PDE11A: variants seen among roughly 807,000 people sequenced by gnomAD.
The protein encoded by PDE11A is dual 3',5'-cyclic-AMP and -GMP phosphodiesterase 11A.
A neutral mutation model predicts 100.5 loss-of-function variants in PDE11A; 100 were observed. The observed-to-expected ratio is 1.00, with a 90% CI of 0.85 to 1.18. The LOEUF is 1.18. PDE11A is among the 50% of genes most tolerant of loss of function. The probability of loss-of-function intolerance (pLI) is 0.00; values close to 1 mark genes in which losing one functional copy is unlikely to be tolerated. For missense variants in PDE11A, 1,141 were observed against 1,152.6 expected, an observed-to-expected ratio of 0.99 and a Z score of 0.15; for synonymous variants, 381 against 420.8, an observed-to-expected ratio of 0.91 and a Z score of 1.16.
At chr2:177,719,247 A>G (rs932997630) in intron 12 of PDE11A, among the ~76,000 whole-genome samples, 18 of 152,196 alleles carry the variant, frequency 1.2e-4, no homozygotes, top group Admixed American at 1.1e-3. Context: ...TTGAATGATA[A>G]GGGATTTCCT....
chr2:177,637,534 C>CT (rs2080059129), intron 19 of PDE11A, among the ~76,000 whole-genome samples: 1 of 151,814 alleles, frequency 6.6e-6, no homozygotes, highest in Admixed American at 6.6e-5. Flanking sequence ...TTGTACTTGT[C>CT]TTTTTTCCCC....
At chr2:177,807,945 A>C (rs2082897027) in intron 9 of PDE11A, among the ~76,000 whole-genome samples, 1 of 152,232 alleles carries the variant, frequency 6.6e-6, no homozygotes, top group South Asian at 2.1e-4. Context: ...GATTAAAAGT[A>C]AGAAACAATC....
At chr2:177,733,989 T>C (rs1279168832) in intron 10 of PDE11A, among the ~76,000 whole-genome samples, 1 of 152,246 alleles carries the variant, frequency 6.6e-6, no homozygotes, top group Non-Finnish European at 1.5e-5. Context: ...TGCTAGAGAC[T>C]GGCTCCTAAC....
At chr2:177,819,868 T>TTCTCTCTTTC (rs1553478532) in intron 7 of PDE11A, among the ~76,000 whole-genome samples, 2 of 139,098 alleles carry the variant, frequency 1.4e-5, no homozygotes, top group Non-Finnish European at 3.1e-5. Flanking sequence ...CTTTCTCTCT[T>TTCTCTCTTTC]TCTCTCTCTC....
chr2:177,993,611 TTATC>T lies in PDE11A; in HGVS notation c.1071+20687_1071+20690del, dbSNP rs200605442. Reference sequence around the variant, plus strand: ...GAATATTGCATTTCCTATTGATTGTTTATCTGTATATTTTGGCATATTGAGTGAC... The same window carrying T: ...GAATATTGCATTTCCTATTGATTGTTTGTATATTTTGGCATATTGAGTGAC... On this transcript the variant is annotated intron_variant, in intron 2 of 19. Coordinates refer to ENST00000286063, the MANE Select transcript of PDE11A (RefSeq NM_016953.4). 6.8e-4 allele frequency among the ~76,000 whole-genome samples: 103 copies of T among 152,254 alleles called. 1 individual carries two copies. The East Asian group carries it at 0.014, about 20-fold the overall frequency.
chr2:178,069,303 C>T lies in PDE11A; in HGVS notation c.912+2223G>A, dbSNP rs190658235. Among the ~76,000 whole-genome samples the T allele has an allele frequency of 7.2e-5, 11 of 152,034 alleles. 1 individual carries two copies. Among genetic ancestry groups the T allele is most frequent in the Admixed American group, 2.0e-4 (3 of 15,254 alleles). ...GATTAAGAAATTCTCCAAGGTCACA[C>T]CATTGGTGACTGTAGCGTCCCATAA... On this transcript the variant is annotated intron_variant, in intron 1 of 19. Coordinates refer to ENST00000286063, the MANE Select transcript of PDE11A (RefSeq NM_016953.4).
intron 12 of PDE11A, among the ~76,000 whole-genome samples, chr2:177,713,287 G>A (rs987345657): frequency 1.3e-5 from 2 of 152,172 alleles, no homozygotes; most frequent in African/African-American, 4.8e-5. Flanking sequence ...GGGATTATAG[G>A]TGTGAGCCTC....
In PDE11A at chr2:177,625,548, GA is replaced by G. The variant is rs1008755867; in HGVS notation, c.*3858del. On this transcript the variant is annotated 3_prime_UTR_variant, in exon 20 of 20. Coordinates refer to ENST00000286063, the MANE Select transcript of PDE11A (RefSeq NM_016953.4). ...GTGACTAGTAAGAATAAATATGTCT[GA>G]AAAAAATACATCTCATCGAAAAAGT... 8.5e-5 allele frequency: 13 copies of G among 152,064 alleles called. No individual in the cohort carries two copies. Among genetic ancestry groups the G allele is most frequent in the Non-Finnish European group, 1.5e-5 (1 of 67,988 alleles). The allele number at this position is 152,064 out of a possible 1,614,324, so 9.4% of individuals were successfully genotyped here.
rs538889407 is a variant in PDE11A at position 177,627,995 on chromosome 2, G to A, written c.*1412C>T. ...AGAGTCCCTGTGGACCCCCATGTACGTAATCAAAGAGATGAAGGTTTGTAG... is the reference window on the plus strand; with the variant it reads ...AGAGTCCCTGTGGACCCCCATGTACATAATCAAAGAGATGAAGGTTTGTAG... On this transcript the variant is annotated 3_prime_UTR_variant, in exon 20 of 20. Coordinates refer to ENST00000286063, the MANE Select transcript of PDE11A (RefSeq NM_016953.4). 1.9e-4 allele frequency: 29 copies of A among 152,306 alleles called. No individual in the cohort carries two copies. The highest frequency in any genetic ancestry group is 6.3e-4 in the African/African-American group (26 of 41,566). 9.4% of individuals were successfully genotyped at this position (152,306 alleles called of 1,614,324 possible). A position where few individuals can be genotyped will look rare whatever the true frequency, so the allele number is the denominator to read the frequency against.
intron 5 of PDE11A, among the ~76,000 whole-genome samples, chr2:177,852,031 G>T (rs1480579630): frequency 1.3e-5 from 2 of 152,100 alleles, no homozygotes; most frequent in African/African-American, 2.4e-5. Flanking sequence ...ACTCTTCTCT[G>T]TATCAGCAGC....
At chr2:177,832,554 C>CATCT (rs58916923) in intron 6 of PDE11A, among the ~76,000 whole-genome samples, 22,715 of 146,232 alleles carry the variant, frequency 0.16, 1,786 homozygotes, top group Non-Finnish European at 0.17. Context: ...TACTCACATC[C>CATCT]ATCTATCTAT....
chr2:178,070,875 C>A (rs1359607061), intron 1 of PDE11A, among the ~76,000 whole-genome samples: 1 of 152,194 alleles, frequency 6.6e-6, no homozygotes, highest in Non-Finnish European at 1.5e-5. Flanking sequence ...AGATAACTAG[C>A]CCCTCTATCT....
chr2:177,937,319 C>CTTT (rs33967413), intron 2 of PDE11A, among the ~76,000 whole-genome samples: 90 of 125,714 alleles, frequency 7.2e-4, no homozygotes, highest in Non-Finnish European at 1.1e-3. Context: ...AAATTGAAAG[C>CTTT]TTTTTTTTTT....
chr2:177,792,860 G>A lies in PDE11A; in HGVS notation c.1738-23487C>T, dbSNP rs182203310. The stretch of plus-strand genomic sequence containing the variant: ...AGACTTAATTTGTGCCCAGAACTGC[G>A]CAGTCACTAAACAGGCAAACATACA... On this transcript the variant is annotated intron_variant, in intron 9 of 19. Coordinates refer to ENST00000286063, the MANE Select transcript of PDE11A (RefSeq NM_016953.4). Among the ~76,000 whole-genome samples, 21 of 152,262 alleles carry A rather than the reference G, an allele frequency of 1.4e-4. No homozygotes were observed. In the East Asian group the frequency reaches 2.9e-3, roughly 21 times the overall value.
chr2:177,831,236 C>T (rs1377265452), intron 6 of PDE11A, among the ~76,000 whole-genome samples: 2 of 152,238 alleles, frequency 1.3e-5, no homozygotes. Context: ...GCCCTCTCAG[C>T]AGGCATCTGA....
At chr2:177,938,622 AC>A (rs1434528432) in intron 2 of PDE11A, among the ~76,000 whole-genome samples, 3 of 151,970 alleles carry the variant, frequency 2.0e-5, no homozygotes, top group Non-Finnish European at 4.4e-5. Context: ...ACCATAATTC[AC>A]CCACCTGTGG....
intron 10 of PDE11A, among the ~76,000 whole-genome samples, chr2:177,733,714 A>T (rs1314691112): frequency 6.6e-6 from 1 of 152,186 alleles, no homozygotes; most frequent in Non-Finnish European, 1.5e-5. Context: ...GGATTAATGG[A>T]GACAGGAGGT....
intron 2 of PDE11A, among the ~76,000 whole-genome samples, chr2:177,959,143 T>G (rs1158228927): frequency 6.6e-6 from 1 of 152,114 alleles, no homozygotes; most frequent in Non-Finnish European, 1.5e-5. Flanking sequence ...GAAGCTGATC[T>G]GGAAACCAGA....
intron 1 of PDE11A, among the ~76,000 whole-genome samples, chr2:178,037,631 T>C (rs1444449893): frequency 1.3e-5 from 2 of 152,102 alleles, no homozygotes. Context: ...CAAATGCCCA[T>C]CAATGATAGA....
Sources: gnomAD v4.1 joint callset for allele counts (sites outside exome capture counted in the v4.1 genomes callset) on GRCh38, gnomAD v4.1.1 for gene constraint, MANE v1.5 for transcripts, NCBI Gene and HGNC (gene_info 2026-07-23, HGNC 2026-07-21) for gene names.